Variants in LTBP1 observed in about 807,000 individuals in gnomAD.
The protein encoded by LTBP1 is latent-transforming growth factor beta-binding protein 1.
A neutral mutation model predicts 207.6 loss-of-function variants in LTBP1; 129 were observed. The observed-to-expected ratio is 0.62, with a 90% CI of 0.54 to 0.72. The LOEUF (loss-of-function observed/expected upper bound fraction) is 0.72, where lower values mean the gene tolerates loss of function less well. Ranked by LOEUF, LTBP1 falls within the 30% of genes least tolerant of loss-of-function variation. LTBP1 has a pLI of 0.00. For synonymous variants in LTBP1, 963 were observed against 833.7 expected (o/e 1.16, Z -2.67); for missense variants, 2,281 against 2,217.2 (o/e 1.03, Z -0.58).
At chr2:33,279,611 T>C (rs545859198) in intron 18 of LTBP1, among the ~76,000 whole-genome samples, 127 of 152,282 alleles carry the variant, frequency 8.3e-4, no homozygotes, top group Non-Finnish European at 1.5e-3. Context: ...AAAGTGAGAA[T>C]TTCCCTAGAG....
chr2:33,091,236 C>T (rs2079072777), intron 3 of LTBP1, among the ~76,000 whole-genome samples: 1 of 152,094 alleles, frequency 6.6e-6, no homozygotes, highest in African/African-American at 2.4e-5. Flanking sequence ...TCATCTCCTC[C>T]CATGGACACT....
At chr2:33,218,019 G>A (rs1167280951) in intron 8 of LTBP1, among the ~76,000 whole-genome samples, 1 of 152,106 alleles carries the variant, frequency 6.6e-6, no homozygotes, top group East Asian at 1.9e-4. Flanking sequence ...TATTTCCTAG[G>A]TTTAAATTCC....
intron 31 of LTBP1, among the ~76,000 whole-genome samples, chr2:33,372,819 G>A (rs571378127): frequency 6.6e-6 from 1 of 152,150 alleles, no homozygotes; most frequent in Admixed American, 6.5e-5. Flanking sequence ...AGCGAAGATC[G>A]TGCCACTGCA....
At chr2:33,186,558 A>T (rs1185845711) in intron 5 of LTBP1, among the ~76,000 whole-genome samples, 1 of 152,208 alleles carries the variant, frequency 6.6e-6, no homozygotes, top group Non-Finnish European at 1.5e-5. Context: ...GTAGACAATC[A>T]TCTTGAGTGG....
intron 24 of LTBP1, among the ~76,000 whole-genome samples, chr2:33,336,510 G>A (rs952813792): frequency 1.8e-5 from 2 of 113,918 alleles, no homozygotes; most frequent in South Asian, 5.3e-4. Flanking sequence ...TCAGGTTTCC[G>A]TTAAGTCAAA....
chr2:33,052,073 C>G (rs533749299), intron 3 of LTBP1, among the ~76,000 whole-genome samples: 18 of 152,344 alleles, frequency 1.2e-4, no homozygotes, highest in African/African-American at 4.3e-4. Flanking sequence ...GGTCTCATAG[C>G]TGTGCCTTGG....
intron 5 of LTBP1, among the ~76,000 whole-genome samples, chr2:33,138,610 A>C (rs1043015706): frequency 6.6e-6 from 1 of 152,158 alleles, no homozygotes; most frequent in African/African-American, 2.4e-5. Flanking sequence ...GGGATTTTTA[A>C]ATTGTTTATA....
At chr2:33,384,026 G>A (rs906481062) in intron 31 of LTBP1, among the ~76,000 whole-genome samples, 5 of 152,070 alleles carry the variant, frequency 3.3e-5, no homozygotes, top group African/African-American at 1.2e-4. Flanking sequence ...TTACCTCCTG[G>A]TCTCCTCACA....
At chr2:33,089,904 C>G (rs1471412077) in intron 3 of LTBP1, among the ~76,000 whole-genome samples, 1 of 152,196 alleles carries the variant, frequency 6.6e-6, no homozygotes, top group Non-Finnish European at 1.5e-5. Context: ...AGCCCTATTA[C>G]TTGATAAAGT....
intron 24 of LTBP1, among the ~76,000 whole-genome samples, chr2:33,316,643 G>A (rs141986712): frequency 1.3e-5 from 2 of 152,258 alleles, no homozygotes; most frequent in South Asian, 2.1e-4. Context: ...TAATAATGTG[G>A]GTGATGAGAG....
At chr2:33,267,082 G>GC (rs1198718057) in intron 15 of LTBP1, among the ~76,000 whole-genome samples, 1 of 152,264 alleles carries the variant, frequency 6.6e-6, no homozygotes, top group Non-Finnish European at 1.5e-5. Context: ...AGATGCTGGT[G>GC]CCTGCAGCAG....
intron 9 of LTBP1, among the ~76,000 whole-genome samples, chr2:33,235,048 A>G (rs1395960700): frequency 2.0e-5 from 3 of 152,226 alleles, no homozygotes; most frequent in South Asian, 2.1e-4. Flanking sequence ...AAATTGACCA[A>G]TGGGATCTAA....
rs1338417088 is a variant in LTBP1 at position 33,188,628 on chromosome 2, C to T, written c.1478C>T (p.Ala493Val). ...ATCCATGTGAAACATCCTCCTGAAG[C>T]TTCCGTCCAGATACATCAGGTTTCA... ...VNIHVKHPPE[A>V]SVQIHQVSRI... The change falls in exon 7 of 34, where the codon GCT (alanine) becomes GTT (valine). Residue 493 changes from alanine to valine, a missense_variant. Physicochemically the swap from Ala to Val is moderately conservative, Grantham distance 64. Transcript: ENST00000404816. 1.9e-6 allele frequency: 3 copies of T among 1,614,044 alleles called. No homozygotes were observed. The highest frequency in any genetic ancestry group is 2.5e-6 in the Non-Finnish European group (3 of 1,179,988).
chr2:33,263,984 G>A (rs529146271), intron 15 of LTBP1, among the ~76,000 whole-genome samples: 6 of 149,710 alleles, frequency 4.0e-5, no homozygotes, highest in African/African-American at 1.2e-4. Flanking sequence ...GACTGGGTGC[G>A]GTGGTTCATG....
chr2:33,260,201 A>C (rs1291560591), intron 13 of LTBP1, among the ~76,000 whole-genome samples: 1 of 152,140 alleles, frequency 6.6e-6, no homozygotes, highest in Non-Finnish European at 1.5e-5. Context: ...CATTTACTGG[A>C]TCTAAGTCCT....
At chr2:33,176,498 T>C (rs544767267) in intron 5 of LTBP1, among the ~76,000 whole-genome samples, 50 of 152,240 alleles carry the variant, frequency 3.3e-4, no homozygotes, top group African/African-American at 1.2e-3. Context: ...GTGCTGAGAT[T>C]ACAGTCGTGA....
rs375725844 is a variant in LTBP1, at chr2:33,336,469, A to C, written c.3731-6369A>C. 2.0e-5 allele frequency among the ~76,000 whole-genome samples: 3 copies of C among 151,984 alleles called. No individual in the cohort carries two copies. In the East Asian group the frequency reaches 5.8e-4, roughly 29 times the overall value. ...CTTTCTAGCCCTCAGTTTTCCGGTTATTAAAATGAAGAGATTGAACTGGAT... is the reference window on the plus strand; with the variant it reads ...CTTTCTAGCCCTCAGTTTTCCGGTTCTTAAAATGAAGAGATTGAACTGGAT... On this transcript the variant is annotated intron_variant, in intron 24 of 33. Coordinates refer to ENST00000404816, the MANE Select transcript of LTBP1 (RefSeq NM_206943.4).
chr2:33,129,906 C>A (rs1028639240), intron 4 of LTBP1, among the ~76,000 whole-genome samples: 1 of 152,182 alleles, frequency 6.6e-6, no homozygotes, highest in African/African-American at 2.4e-5. Flanking sequence ...TACTAGTGAT[C>A]TCATCTGAGT....
chr2:33,323,569 G>A (rs919519223), intron 24 of LTBP1, among the ~76,000 whole-genome samples: 2 of 152,070 alleles, frequency 1.3e-5, no homozygotes, highest in South Asian at 2.1e-4. Context: ...CCTGGGAGGC[G>A]AGTGAGCTGA....
Sources: allele counts gnomAD v4.1 joint callset (sites outside exome capture counted in the v4.1 genomes callset), GRCh38; gene constraint gnomAD v4.1.1; transcripts MANE v1.5; gene names NCBI Gene and HGNC (gene_info 2026-07-23, HGNC 2026-07-21).